Variants in ZHX2 observed in about 807,000 individuals in gnomAD.
ZHX2 encodes zinc fingers and homeoboxes 2.
A neutral mutation model predicts 21.9 loss-of-function variants in ZHX2; 6 were observed. The observed-to-expected ratio is 0.27, with a 90% CI of 0.15 to 0.54. The LOEUF is 0.54. ZHX2 is among the 20% of genes least tolerant of loss of function. ZHX2 has a pLI of 0.95. For synonymous variants in ZHX2, 434 were observed against 437.1 expected (o/e 0.99, Z 0.09); for missense variants, 908 against 1,090.7 (o/e 0.83, Z 2.36).
intron 2 of ZHX2, among the ~76,000 whole-genome samples, chr8:122,909,300 G>A (rs887860304): frequency 1.3e-5 from 2 of 152,056 alleles, no homozygotes; most frequent in Non-Finnish European, 2.9e-5. Context: ...AGGCATGGTG[G>A]TGCATGCCTG....
chr8:122,922,275 G>GAA (rs34211897), intron 2 of ZHX2, among the ~76,000 whole-genome samples: 3 of 127,838 alleles, frequency 2.3e-5, no homozygotes, highest in East Asian at 2.2e-4. Flanking sequence ...GTGAGTTCAT[G>GAA]AAAAAAAAAA....
intron 3 of ZHX2, among the ~76,000 whole-genome samples, chr8:122,972,339 A>G (rs1477684975): frequency 6.6e-6 from 1 of 152,200 alleles, no homozygotes; most frequent in Non-Finnish European, 1.5e-5. Flanking sequence ...AGGTCCTTGG[A>G]CTATTTTCAT....
intron 1 of ZHX2, among the ~76,000 whole-genome samples, chr8:122,813,238 C>G (rs542331815): frequency 6.6e-6 from 1 of 151,844 alleles, no homozygotes; most frequent in South Asian, 2.1e-4. Flanking sequence ...GGTACTGTTG[C>G]TACCCTCATT....
rs190175206 is a variant in ZHX2 at position 122,796,034 on chromosome 8, G to T, written c.-283+14088G>T. ...AAAAATACAAAAATTAGCTGGGCAT[G>T]GTGGCAGGCGCCTGTAATGCCAGCT... On this transcript the variant is annotated intron_variant, in intron 1 of 3. Coordinates refer to ENST00000314393, the MANE Select transcript of ZHX2 (RefSeq NM_014943.5). Among the ~76,000 whole-genome samples the T allele has an allele frequency of 2.0e-5, 3 of 152,244 alleles. No individual in the cohort carries two copies. In the East Asian group the frequency reaches 5.8e-4, roughly 29 times the overall value.
rs1294828042 is a variant in ZHX2 at position 122,974,313 on chromosome 8, A to G, written c.*1076A>G. On this transcript the variant is annotated 3_prime_UTR_variant, in exon 4 of 4. Coordinates refer to ENST00000314393, the MANE Select transcript of ZHX2 (RefSeq NM_014943.5). ...TTTTTCAGTTAGTCCTAACTTTTAAAAGAAGGAAAACCAAGAGACATATCT... is the reference window on the plus strand; with the variant it reads ...TTTTTCAGTTAGTCCTAACTTTTAAGAGAAGGAAAACCAAGAGACATATCT... 1 of 152,454 alleles carries G rather than the reference A, an allele frequency of 6.6e-6. No homozygotes were observed. Among genetic ancestry groups the G allele is most frequent in the East Asian group, 1.9e-4 (1 of 5,166 alleles). 9.4% of individuals were successfully genotyped at this position (152,454 alleles called of 1,614,324 possible). A position where few individuals can be genotyped will look rare whatever the true frequency, so the allele number is the denominator to read the frequency against.
rs576387104 is a variant in ZHX2 at position 122,919,016 on chromosome 8, A to C, written c.-219-32276A>C. ...CATAGTTTGCCAACCCCTGTCCCAAACTGTTCTCCCACCTGGAATATGCTT... is the reference window on the plus strand; with the variant it reads ...CATAGTTTGCCAACCCCTGTCCCAACCTGTTCTCCCACCTGGAATATGCTT... On this transcript the variant is annotated intron_variant, in intron 2 of 3. Coordinates refer to ENST00000314393, the MANE Select transcript of ZHX2 (RefSeq NM_014943.5). 7.2e-5 allele frequency among the ~76,000 whole-genome samples: 11 copies of C among 151,904 alleles called. No homozygotes were observed. The South Asian group carries it at 2.1e-3, about 29-fold the overall frequency.
intron 2 of ZHX2, among the ~76,000 whole-genome samples, chr8:122,887,758 T>G (rs11998702): frequency 0.049 from 7,446 of 152,130 alleles, 604 homozygotes; most frequent in African/African-American, 0.17. Context: ...GGAATTGCAG[T>G]CCTGGGCCTT....
rs201080427 is a variant in ZHX2, at chr8:122,952,660, G to A, written c.1150G>A (p.Gly384Arg). ...CCTGGTGCTGACTCAGGTGACCAGC[G>A]GGTCAACAACCGTCTCTTGCTCCCC... ...TSLVLTQVTS[G>R]STTVSCSPIT... Residue 384 changes from glycine to arginine, a missense_variant, in exon 3 of 4, where the codon GGG becomes AGG. Around this residue, in one of 4 missense-constraint regions of ZHX2, gnomAD observed 232 missense variants for 361.8 expected, o/e 0.64. Transcript: ENST00000314393. This position sits in a 1 kb window ranked among gnomAD's most constrained non-coding sequence, Gnocchi z 6.9. 2.0e-4 allele frequency: 322 copies of A among 1,613,958 alleles called. 1 individual carries two copies. The highest frequency in any genetic ancestry group is 4.9e-4 in the Middle Eastern group (3 of 6,084).
chr8:122,834,110 C>T (rs1053214634), intron 1 of ZHX2, among the ~76,000 whole-genome samples: 4 of 152,104 alleles, frequency 2.6e-5, no homozygotes, highest in Non-Finnish European at 5.9e-5. Flanking sequence ...CTTGGGAGGA[C>T]TGGGTGGGTC....
intron 2 of ZHX2, among the ~76,000 whole-genome samples, chr8:122,866,572 A>G (rs1003571570): frequency 2.6e-5 from 4 of 152,176 alleles, no homozygotes; most frequent in African/African-American, 9.7e-5. Flanking sequence ...AAACTATTCT[A>G]GATTCCTTTT....
At chr8:122,867,102 G>A (rs945874051) in intron 2 of ZHX2, among the ~76,000 whole-genome samples, 1 of 152,040 alleles carries the variant, frequency 6.6e-6, no homozygotes, top group Non-Finnish European at 1.5e-5. Flanking sequence ...CCAAGGTGCT[G>A]GGGTTACAGG....
chr8:122,949,881 G>C (rs1813066962), intron 2 of ZHX2, among the ~76,000 whole-genome samples: 1 of 152,100 alleles, frequency 6.6e-6, no homozygotes, highest in Admixed American at 6.5e-5. Flanking sequence ...GGGTGACAGA[G>C]CCAGACCCTG....
chr8:122,916,675 T>C (rs1238107338), intron 2 of ZHX2, among the ~76,000 whole-genome samples: 1 of 152,162 alleles, frequency 6.6e-6, no homozygotes, highest in Admixed American at 6.5e-5. Context: ...TTCCTTCCCA[T>C]ATTGTTCTCA....
At chr8:122,845,711 C>T (rs375586742) in intron 1 of ZHX2, among the ~76,000 whole-genome samples, 1 of 152,202 alleles carries the variant, frequency 6.6e-6, no homozygotes, top group Non-Finnish European at 1.5e-5. Context: ...TGTCCCCACT[C>T]CTGGTGGCCC....
At chr8:122,809,954 T>C (rs1003651585) in intron 1 of ZHX2, among the ~76,000 whole-genome samples, 3 of 151,228 alleles carry the variant, frequency 2.0e-5, no homozygotes, top group Admixed American at 6.6e-5. Flanking sequence ...GTAGGGGGGG[T>C]GGAGGGCTAC....
At chr8:122,878,134 A>G (rs1819613945) in intron 2 of ZHX2, among the ~76,000 whole-genome samples, 1 of 152,128 alleles carries the variant, frequency 6.6e-6, no homozygotes. Context: ...CCAAAAGCAA[A>G]GATAGAGGCA....
chr8:122,915,314 C>G (rs2130038852), intron 2 of ZHX2, among the ~76,000 whole-genome samples: 1 of 152,276 alleles, frequency 6.6e-6, no homozygotes, highest in Middle Eastern at 3.4e-3. Flanking sequence ...ATGGCCCTGT[C>G]ATGCTATAAG....
intron 1 of ZHX2, among the ~76,000 whole-genome samples, chr8:122,799,983 G>A (rs1174346032): frequency 2.0e-5 from 3 of 151,860 alleles, no homozygotes; most frequent in Non-Finnish European, 2.9e-5. Context: ...TCAGCCTCCC[G>A]AGTAGCTGGG....
intron 1 of ZHX2, among the ~76,000 whole-genome samples, chr8:122,821,688 C>CTTTATTTATTTATTTA (rs35192802): frequency 6.7e-4 from 97 of 145,516 alleles, no homozygotes; most frequent in Non-Finnish European, 1.0e-3. Context: ...ACAGGCATGA[C>CTTTATTTATTTATTTA]TTTATTTATT....
Sources: gnomAD v4.1 joint callset for allele counts (sites outside exome capture counted in the v4.1 genomes callset) on GRCh38, gnomAD v4.1.1 for gene constraint, gnomAD v4.1.1 regional missense constraint, Gnocchi (gnomAD v3.1) non-coding constraint, MANE v1.5 for transcripts, NCBI Gene and HGNC (gene_info 2026-07-23, HGNC 2026-07-21) for gene names.